Variants in IFT74 observed in about 807,000 individuals in gnomAD.
IFT74 encodes intraflagellar transport protein 74 homolog.
IFT74 carries 92 observed loss-of-function variants against 96.7 expected under a neutral mutation model. The ratio of observed to expected loss-of-function variants is 0.95; its 90% CI spans 0.80 to 1.13. IFT74 has a LOEUF of 1.13. Among genes scored for constraint, IFT74 ranks in the 50% most tolerant of loss-of-function variants. The probability of loss-of-function intolerance (pLI) is 0.00; values close to 1 mark genes in which losing one functional copy is unlikely to be tolerated. For synonymous variants in IFT74, 223 were observed against 213.2 expected (o/e 1.05, Z -0.40); for missense variants, 811 against 698.2 (o/e 1.16, Z -1.82).
In IFT74 at chr9:27,006,127, A is replaced by T. The variant is rs567932301; in HGVS notation, c.588-2893A>T. The stretch of plus-strand genomic sequence containing the variant: ...CCAAAGTGCTGGGATTACAAGTGTG[A>T]GCCACTGCACCCAGCCTACCTTTGT... On this transcript the variant is annotated intron_variant, in intron 8 of 19. Coordinates refer to ENST00000380062, the MANE Select transcript of IFT74 (RefSeq NM_025103.4). 4.1e-4 allele frequency among the ~76,000 whole-genome samples: 63 copies of T among 152,320 alleles called. 1 individual carries two copies. Among genetic ancestry groups the T allele is most frequent in the African/African-American group, 1.4e-3 (59 of 41,582 alleles).
At chr9:26,953,875 A>G (rs1826006358), upstream of IFT74, among the ~76,000 whole-genome samples, 1 of 152,158 alleles carries the variant, frequency 6.6e-6, no homozygotes, top group South Asian at 2.1e-4. Flanking sequence ...TATTTTGTTA[A>G]CATTTTTCTT....
At chr9:27,029,688 C>T (rs10967672) in intron 13 of IFT74, among the ~76,000 whole-genome samples, 15,001 of 152,132 alleles carry the variant, frequency 0.099, 1,811 homozygotes, top group East Asian at 0.66. Flanking sequence ...GCAGAGGTTG[C>T]GGTGAGTCAA....
intron 13 of IFT74, among the ~76,000 whole-genome samples, chr9:27,044,401 C>G (rs1279656471): frequency 1.3e-5 from 2 of 152,110 alleles, no homozygotes; most frequent in African/African-American, 4.8e-5. Flanking sequence ...AGTGAAGTTA[C>G]TCTGCTGTCT....
intron 16 of IFT74, among the ~76,000 whole-genome samples, chr9:27,053,777 G>T (rs942394529): frequency 6.6e-6 from 1 of 152,182 alleles, no homozygotes; most frequent in Non-Finnish European, 1.5e-5. Flanking sequence ...TAAACTTGCA[G>T]TTAGATTTAT....
intron 13 of IFT74, among the ~76,000 whole-genome samples, chr9:27,033,873 G>A (rs1003576557): frequency 6.6e-6 from 1 of 152,086 alleles, no homozygotes; most frequent in Non-Finnish European, 1.5e-5. Context: ...ACAACCAAAA[G>A]CAGTATGTGA....
chr9:27,044,632 G>A lies in IFT74; in HGVS notation c.1055-110G>A, dbSNP rs1246111018. Reference sequence around the variant, plus strand: ...AAAAGAATTTCACCTAATCGAACACGTCGAATAGTCAATGACTAATGGCAT... The same window carrying A: ...AAAAGAATTTCACCTAATCGAACACATCGAATAGTCAATGACTAATGGCAT... On this transcript the variant is annotated intron_variant, in intron 13 of 19. Coordinates refer to ENST00000380062, the MANE Select transcript of IFT74 (RefSeq NM_025103.4). 217 of 626,206 alleles carry A rather than the reference G, an allele frequency of 3.5e-4. 2 individuals carry two copies. Among genetic ancestry groups the A allele is most frequent in the Non-Finnish European group, 6.8e-5 (24 of 353,656 alleles). The allele number at this position is 626,206 out of a possible 1,614,324, so 38.8% of individuals were successfully genotyped here. A position where few individuals can be genotyped will look rare whatever the true frequency, so the allele number is the denominator to read the frequency against.
chr9:27,037,182 T>C (rs1587396567), intron 13 of IFT74, among the ~76,000 whole-genome samples: 1 of 144,372 alleles, frequency 6.9e-6, no homozygotes, highest in East Asian at 2.2e-4. Flanking sequence ...ATCGTGCCAT[T>C]GCACTCCAGC....
chr9:27,025,524 A>G (rs1346732934), intron 12 of IFT74, among the ~76,000 whole-genome samples: 1 of 151,972 alleles, frequency 6.6e-6, no homozygotes, highest in Non-Finnish European at 1.5e-5. Context: ...AAAGATCATC[A>G]CTTAGGCATA....
chr9:27,031,384 G>A (rs1830115370), intron 13 of IFT74, among the ~76,000 whole-genome samples: 1 of 151,826 alleles, frequency 6.6e-6, no homozygotes, highest in Non-Finnish European at 1.5e-5. Context: ...GGAGAATGGT[G>A]TGAACCCAGG....
At chr9:27,026,384 G>A (rs1829859766) in intron 12 of IFT74, among the ~76,000 whole-genome samples, 1 of 152,060 alleles carries the variant, frequency 6.6e-6, no homozygotes, top group African/African-American at 2.4e-5. Context: ...AATTAATAGT[G>A]GGGGACTTCA....
chr9:26,998,058 G>T, intron 8 of IFT74: 1 of 1,612,824 alleles, frequency 6.2e-7, no homozygotes, highest in Non-Finnish European at 8.5e-7. Flanking sequence ...CCGTTATTAT[G>T]TAAGATAGTA....
At position 27,055,634 on chromosome 9, in the gene IFT74, G is replaced by A. The variant is rs938407138; in HGVS notation, c.1359G>A (p.Leu453=). ...ACATTCAACGTCTGCAGTTGGATCTGCAGAAAATGGAGCTTCTAGAAAGTA... is the reference window on the plus strand; with the variant it reads ...ACATTCAACGTCTGCAGTTGGATCTACAGAAAATGGAGCTTCTAGAAAGTA... ...TSDIQRLQLD[L]QKMELLESKM... is the part of the protein sequence containing the mutation. Residue 453 remains leucine, a synonymous_variant, in exon 17 of 20, where the codon CTG becomes CTA. Coordinates refer to ENST00000380062, the MANE Select transcript of IFT74 (RefSeq NM_025103.4). 5 of 1,580,074 alleles carry A rather than the reference G, an allele frequency of 3.2e-6. No individual in the cohort carries two copies. In the African/African-American group the frequency reaches 6.9e-5, roughly 22 times the overall value.
In IFT74 at chr9:27,002,167, T is replaced by C. The variant is rs184049401; in HGVS notation, c.588-6853T>C. On this transcript the variant is annotated intron_variant, in intron 8 of 19. Coordinates refer to ENST00000380062, the MANE Select transcript of IFT74 (RefSeq NM_025103.4). Reference sequence around the variant, plus strand: ...TTTCTTTTGAGACAGAGTCTGGCTCTGTTGCCCAGGCTGGAGTGCAGTGAT... The same window carrying C: ...TTTCTTTTGAGACAGAGTCTGGCTCCGTTGCCCAGGCTGGAGTGCAGTGAT... 1.1e-4 allele frequency among the ~76,000 whole-genome samples: 17 copies of C among 152,336 alleles called. No homozygotes were observed. The East Asian group carries it at 3.3e-3, about 29-fold the overall frequency.
At chr9:27,029,133 A>T (rs1244872758) in intron 13 of IFT74, 29 bp downstream of exon 13, 1 of 1,532,484 alleles carries the variant, frequency 6.5e-7, no homozygotes. Context: ...TATAATGTAG[A>T]TTAACAGATG....
intron 2 of IFT74, among the ~76,000 whole-genome samples, chr9:26,971,512 C>T (rs1826876339): frequency 6.6e-6 from 1 of 152,048 alleles, no homozygotes; most frequent in African/African-American, 2.4e-5. Flanking sequence ...TTTTCTTTAG[C>T]TCCTATTTTT....
At chr9:26,979,151 ATT>A (rs10536892) in intron 3 of IFT74, among the ~76,000 whole-genome samples, 15,408 of 148,126 alleles carry the variant, frequency 0.1, 1,771 homozygotes, top group East Asian at 0.65. Context: ...AGAGACTTAA[ATT>A]TTTTTTTTTT....
rs1229059378 is a variant in IFT74, at chr9:27,029,062, G to C, written c.1012G>C (p.Glu338Gln). The change falls in exon 13 of 20, where the codon GAA (glutamate) becomes CAA (glutamine). Residue 338 changes from glutamate to glutamine, a missense_variant. Coordinates refer to ENST00000380062, the MANE Select transcript of IFT74 (RefSeq NM_025103.4). ...AAAAGAAAAGATAAATCAGTTTATT[G>C]AAGAAATTAGACAACTTGACATGGA... ...DTKEKINQFI[E>Q]EIRQLDMDLE... 6.2e-7 allele frequency: 1 copy of C among 1,601,624 alleles called. No homozygotes were observed. Among genetic ancestry groups the C allele is most frequent in the Non-Finnish European group, 8.5e-7 (1 of 1,174,026 alleles).
intron 8 of IFT74, chr9:26,995,773 A>G (rs765356948): frequency 6.2e-7 from 1 of 1,613,872 alleles, no homozygotes; most frequent in South Asian, 1.1e-5. Context: ...TAGCAATAAA[A>G]ATGAGAAGTG....
chr9:26,998,112 T>C (rs746654353), intron 8 of IFT74: 22 of 1,613,028 alleles, frequency 1.4e-5, no homozygotes, highest in Non-Finnish European at 1.7e-5. Context: ...AAAAAGTATG[T>C]CTGTAGAACT....
Sources: allele counts gnomAD v4.1 joint callset (sites outside exome capture counted in the v4.1 genomes callset), GRCh38; gene constraint gnomAD v4.1.1; transcripts MANE v1.5; gene names NCBI Gene and HGNC (gene_info 2026-07-23, HGNC 2026-07-21).